The following NPAS3 variants were observed in gnomAD, a reference collection of about 807,000 sequenced individuals.
NPAS3 encodes neuronal PAS domain protein 3.
Under a neutral mutation model 73.1 loss-of-function variants are expected in NPAS3, and 14 were observed. The ratio of observed to expected loss-of-function variants is 0.19; its 90% CI spans 0.13 to 0.30. The LOEUF is 0.30. Ranked by LOEUF, NPAS3 falls within the 10% of genes least tolerant of loss-of-function variation. NPAS3 has a pLI of 1.00. For synonymous variants in NPAS3, 620 were observed against 541.5 expected (o/e 1.14, Z -2.01); for missense variants, 1,096 against 1,250.0 (o/e 0.88, Z 1.86).
At chr14:33,696,813 T>G (rs2060396381) in intron 6 of NPAS3, among the ~76,000 whole-genome samples, 1 of 152,208 alleles carries the variant, frequency 6.6e-6, no homozygotes, top group Admixed American at 6.5e-5. Context: ...GTATATGACT[T>G]CATGATGATT....
chr14:33,669,447 A>C (rs560537750), intron 5 of NPAS3, among the ~76,000 whole-genome samples: 3 of 152,302 alleles, frequency 2.0e-5, no homozygotes, highest in Admixed American at 2.0e-4. Context: ...GGCATTCTCT[A>C]GGTTCTTCTT....
intron 2 of NPAS3, among the ~76,000 whole-genome samples, chr14:33,097,072 C>T (rs2042442388): frequency 6.6e-6 from 1 of 151,990 alleles, no homozygotes; most frequent in Non-Finnish European, 1.5e-5. Context: ...GCAATTTTTT[C>T]CCCCCATTCT....
intron 6 of NPAS3, among the ~76,000 whole-genome samples, chr14:33,714,954 C>T (rs1029358357): frequency 1.3e-5 from 2 of 152,324 alleles, no homozygotes; most frequent in African/African-American, 4.8e-5. Flanking sequence ...GCAGTTATGA[C>T]ATAAGCCAGT....
chr14:33,539,158 G>A lies in NPAS3; in HGVS notation c.469-20963G>A, dbSNP rs140946841. 2.4e-3 allele frequency among the ~76,000 whole-genome samples: 363 copies of A among 152,166 alleles called. 1 individual carries two copies. The highest frequency in any genetic ancestry group is 8.3e-3 in the African/African-American group (345 of 41,532). On this transcript the variant is annotated intron_variant, in intron 4 of 11. Coordinates refer to ENST00000356141, the Ensembl canonical transcript of NPAS3. ...GAAACGTTTCCTGTCTCAACATTGC[G>A]GTGTGCATGGGCTGAGCCAGATGGA... is the stretch of plus-strand genomic sequence containing the variant.
chr14:33,249,545 A>G (rs1950555237), intron 3 of NPAS3, among the ~76,000 whole-genome samples: 1 of 152,048 alleles, frequency 6.6e-6, no homozygotes, highest in Non-Finnish European at 1.5e-5. Flanking sequence ...GCTGACCTCT[A>G]TGCACCTCTA....
At chr14:33,266,209 G>T (rs906693298) in intron 3 of NPAS3, among the ~76,000 whole-genome samples, 2 of 152,246 alleles carry the variant, frequency 1.3e-5, no homozygotes, top group South Asian at 2.1e-4. Context: ...TAAAGGATGA[G>T]TTTAAATGCA....
At chr14:33,353,322 C>G (rs546852999) in intron 3 of NPAS3, among the ~76,000 whole-genome samples, 1 of 152,284 alleles carries the variant, frequency 6.6e-6, no homozygotes, top group African/African-American at 2.4e-5. Context: ...TTAATAATCA[C>G]TTGCAATACT....
chr14:32,945,942 A>G (rs1005380883), intron 1 of NPAS3, among the ~76,000 whole-genome samples: 1 of 152,156 alleles, frequency 6.6e-6, no homozygotes, highest in Admixed American at 6.5e-5. Context: ...GAAGTTCTCA[A>G]GGCCCTCTTC....
intron 1 of NPAS3, among the ~76,000 whole-genome samples, chr14:33,046,052 T>C (rs2040495975): frequency 6.6e-6 from 1 of 152,114 alleles, no homozygotes; most frequent in Admixed American, 6.5e-5. Context: ...CAAGAAGATT[T>C]ATTAGGGAAA....
intron 4 of NPAS3, among the ~76,000 whole-genome samples, chr14:33,504,158 C>T (rs955460934): frequency 1.3e-5 from 2 of 151,974 alleles, no homozygotes; most frequent in African/African-American, 4.8e-5. Flanking sequence ...AGCAGAGAGA[C>T]TTACCAGTGG....
At chr14:33,522,803 G>C (rs935994314) in intron 4 of NPAS3, among the ~76,000 whole-genome samples, 1 of 152,106 alleles carries the variant, frequency 6.6e-6, no homozygotes, top group African/African-American at 2.4e-5. Context: ...CATATGTTTT[G>C]TGCTTGCTGA....
chr14:33,009,818 A>G (rs2139634179), intron 1 of NPAS3, among the ~76,000 whole-genome samples: 1 of 152,176 alleles, frequency 6.6e-6, no homozygotes, highest in African/African-American at 2.4e-5. Flanking sequence ...TTTCTGTCTA[A>G]CTCCAGAGCC....
At chr14:33,357,624 C>T (rs1453896400) in intron 3 of NPAS3, among the ~76,000 whole-genome samples, 1 of 152,202 alleles carries the variant, frequency 6.6e-6, no homozygotes, top group Non-Finnish European at 1.5e-5. Context: ...TGCTTAGCGC[C>T]CCCGCGGGCT....
chr14:33,678,318 C>G lies in NPAS3; in HGVS notation c.733+1933C>G, dbSNP rs557274426. ...TGCTTCGCTGCAACTTCCCACTGATCCAAGGTCTGCCCTCTGGGACATTTC... is the reference window on the plus strand; with the variant it reads ...TGCTTCGCTGCAACTTCCCACTGATGCAAGGTCTGCCCTCTGGGACATTTC... On this transcript the variant is annotated intron_variant, in intron 6 of 11. Transcript: ENST00000356141. 2.6e-5 allele frequency among the ~76,000 whole-genome samples: 4 copies of G among 152,256 alleles called. No individual in the cohort carries two copies. In the East Asian group the frequency reaches 7.7e-4, roughly 29 times the overall value.
chr14:33,676,502 T>G (rs2059771380), intron 6 of NPAS3, 117 bp downstream of exon 6: 4 of 736,514 alleles, frequency 5.4e-6, no homozygotes, highest in Non-Finnish European at 6.1e-6. Context: ...AACAATTCCA[T>G]GCAGCTTCCA....
intron 4 of NPAS3, among the ~76,000 whole-genome samples, chr14:33,478,520 G>T (rs1566937486): frequency 6.6e-6 from 1 of 152,102 alleles, no homozygotes. Flanking sequence ...ATATGTATAT[G>T]ATTAGAACTC....
At chr14:33,564,887 G>C (rs1161651150) in intron 5 of NPAS3, among the ~76,000 whole-genome samples, 3 of 152,144 alleles carry the variant, frequency 2.0e-5, no homozygotes, top group Non-Finnish European at 2.9e-5. Context: ...GATACCATTA[G>C]AAAATACCCT....
chr14:32,951,830 C>T (rs1231698951), intron 1 of NPAS3, among the ~76,000 whole-genome samples: 1 of 151,960 alleles, frequency 6.6e-6, no homozygotes, highest in Admixed American at 6.6e-5. Flanking sequence ...TCTTTTTAAC[C>T]TTGTTTTTAA....
At chr14:33,186,098 TC>T (rs1209581676) in intron 2 of NPAS3, among the ~76,000 whole-genome samples, 1 of 151,920 alleles carries the variant, frequency 6.6e-6, no homozygotes, top group African/African-American at 2.4e-5. Flanking sequence ...ACAAGTAGAC[TC>T]CCCCCCACCC....
Sources: gnomAD v4.1 joint callset for allele counts (sites outside exome capture counted in the v4.1 genomes callset) on GRCh38, gnomAD v4.1.1 for gene constraint, MANE v1.5 for transcripts, NCBI Gene and HGNC (gene_info 2026-07-23, HGNC 2026-07-21) for gene names.